CAMTA1: variants seen among roughly 807,000 people sequenced by gnomAD.
CAMTA1 encodes calmodulin binding transcription activator 1, also known as calmodulin-binding transcription activator 1.
In CAMTA1, 27 loss-of-function variants were observed where a neutral mutation model predicts 170.9. The observed-to-expected ratio is 0.16, with a 90% CI of 0.12 to 0.22. The LOEUF (loss-of-function observed/expected upper bound fraction) is 0.22, where lower values mean the gene tolerates loss of function less well. CAMTA1 is among the 10% of genes least tolerant of loss of function. The pLI is 1.00. For missense variants in CAMTA1, 1,619 were observed against 2,217.2 expected (o/e 0.73, Z 5.42); for synonymous variants, 833 against 891.5 (o/e 0.93, Z 1.17).
intron 11 of CAMTA1, among the ~76,000 whole-genome samples, chr1:7,725,866 A>G (rs1166294500): frequency 2.6e-5 from 4 of 152,202 alleles, no homozygotes; most frequent in African/African-American, 7.2e-5. Flanking sequence ...AGAAGCCGCC[A>G]TCTAGGGCAG....
chr1:7,356,997 A>G (rs753019789), intron 5 of CAMTA1, among the ~76,000 whole-genome samples: 36 of 151,922 alleles, frequency 2.4e-4, no homozygotes, highest in Non-Finnish European at 4.4e-4. Context: ...CCCTCCCATC[A>G]TGGGCTTTTC....
intron 3 of CAMTA1, among the ~76,000 whole-genome samples, chr1:6,830,346 G>GTTT: frequency 9.2e-6 from 1 of 109,094 alleles, no homozygotes; most frequent in African/African-American, 3.5e-5. Context: ...ACCTGGCCTT[G>GTTT]TTTTTTTTTT....
intron 5 of CAMTA1, among the ~76,000 whole-genome samples, chr1:7,355,822 C>G (rs1427321696): frequency 9.8e-6 from 1 of 102,286 alleles, no homozygotes; most frequent in African/African-American, 4.0e-5. Context: ...TCACAGGCCA[C>G]CTTGCTGGTT....
At chr1:7,549,120 A>G (rs1166139900) in intron 6 of CAMTA1, among the ~76,000 whole-genome samples, 3 of 101,766 alleles carry the variant, frequency 2.9e-5, no homozygotes, top group Non-Finnish European at 4.0e-5. Flanking sequence ...TCCCTCTTAG[A>G]GGTGGAGATG....
At position 6,934,907 on chromosome 1, in the gene CAMTA1, G is replaced by A. The variant is rs866106395; in HGVS notation, c.234+109697G>A. Among the ~76,000 whole-genome samples the A allele has an allele frequency of 1.3e-5, 2 of 152,148 alleles. No individual in the cohort carries two copies. The highest frequency in any genetic ancestry group is 4.8e-5 in the African/African-American group (2 of 41,422). On this transcript the variant is annotated intron_variant, in intron 3 of 22. Transcript: ENST00000303635. The surrounding 1 kb of genome is among the most constrained non-coding windows in gnomAD (Gnocchi z 4.5). ...AATAAAAAGTCCACCAAACTCCTTA[G>A]GCCAGTCGAAAGCACCTAACTCAGA...
chr1:7,291,887 T>C (rs1673187322), intron 5 of CAMTA1, among the ~76,000 whole-genome samples: 2 of 152,214 alleles, frequency 1.3e-5, no homozygotes, highest in African/African-American at 4.8e-5. Flanking sequence ...GAAAACCAGA[T>C]GCCAGCTTCC....
chr1:7,572,039 T>G (rs1008469681), intron 6 of CAMTA1, among the ~76,000 whole-genome samples: 27 of 152,232 alleles, frequency 1.8e-4, no homozygotes, highest in African/African-American at 6.3e-4. Flanking sequence ...TTCTGATTCC[T>G]GTGAGATGGT....
At chr1:7,663,240 G>A (rs954782154) in intron 8 of CAMTA1, 113 bp from the exon 9 acceptor site, 28 of 1,390,510 alleles carry the variant, frequency 2.0e-5, no homozygotes, top group South Asian at 1.3e-4. Context: ...GACCCCAGCC[G>A]CTGTGGGGCA....
chr1:6,808,932 G>T (rs1415549412), intron 1 of CAMTA1, among the ~76,000 whole-genome samples: 1 of 152,098 alleles, frequency 6.6e-6, no homozygotes, highest in Non-Finnish European at 1.5e-5. Context: ...CCATAACTGG[G>T]GATTTAGTGA....
intron 3 of CAMTA1, among the ~76,000 whole-genome samples, chr1:7,022,435 C>T (rs1165266436): frequency 6.6e-6 from 1 of 152,066 alleles, no homozygotes; most frequent in Admixed American, 6.5e-5. Flanking sequence ...AGTGAGGTTT[C>T]CTCTTGGATT....
intron 3 of CAMTA1, among the ~76,000 whole-genome samples, chr1:6,935,635 G>T (rs145057574): frequency 5.0e-4 from 76 of 152,266 alleles, no homozygotes; most frequent in Non-Finnish European, 8.2e-4. Context: ...TGTCTAATCC[G>T]CCCGACATCA....
chr1:7,660,310 G>A (rs535227080), intron 7 of CAMTA1, among the ~76,000 whole-genome samples: 23 of 152,276 alleles, frequency 1.5e-4, no homozygotes, highest in African/African-American at 5.3e-4. Context: ...CAGGTGATCC[G>A]CCCACTTTGG....
At chr1:7,555,064 G>A (rs1009764957) in intron 6 of CAMTA1, among the ~76,000 whole-genome samples, 3 of 152,048 alleles carry the variant, frequency 2.0e-5, no homozygotes, top group Admixed American at 2.0e-4. Flanking sequence ...ATCCCCAAGT[G>A]CCTTTCAGCC....
Position 7,344,216 on chromosome 1 carries a change from C to T in CAMTA1, c.438+94590C>T, listed in dbSNP as rs114856132. Among the ~76,000 whole-genome samples, 910 of 152,328 alleles carry T rather than the reference C, an allele frequency of 6.0e-3. 11 individuals carry two copies. The highest frequency in any genetic ancestry group is 0.021 in the African/African-American group (862 of 41,574). On this transcript the variant is annotated intron_variant, in intron 5 of 22. Transcript: ENST00000303635. ...CCTGAAGGGGCCTGGGCCTCTTTCT[C>T]CCTGTGGAGGCTAAGACCTTTGCAT...
rs1467606336 is a variant in CAMTA1 at position 7,044,328 on chromosome 1, G to T, written c.235-46976G>T. On this transcript the variant is annotated intron_variant, in intron 3 of 22. Coordinates refer to ENST00000303635, the MANE Select transcript of CAMTA1 (RefSeq NM_015215.4). The surrounding 1 kb of genome is among the most constrained non-coding windows in gnomAD (Gnocchi z 5.0). Reference sequence around the variant, plus strand: ...ACCCAGAGAGACGCAGAGCAGTGCCGCTGGGGACCCCGGGGACTCAGAGCA... The same window carrying T: ...ACCCAGAGAGACGCAGAGCAGTGCCTCTGGGGACCCCGGGGACTCAGAGCA... 6.6e-6 allele frequency among the ~76,000 whole-genome samples: 1 copy of T among 151,824 alleles called. No individual in the cohort carries two copies. The highest frequency in any genetic ancestry group is 2.4e-5 in the African/African-American group (1 of 41,332).
At chr1:7,250,602 G>A (rs533168225) in intron 5 of CAMTA1, among the ~76,000 whole-genome samples, 6 of 152,264 alleles carry the variant, frequency 3.9e-5, no homozygotes, top group African/African-American at 1.2e-4. Context: ...ACCCTTCCAC[G>A]CCAATGTTTT....
intron 4 of CAMTA1, among the ~76,000 whole-genome samples, chr1:7,241,680 T>C (rs917592706): frequency 6.6e-6 from 1 of 152,178 alleles, no homozygotes; most frequent in African/African-American, 2.4e-5. Context: ...CAAAAGCAAT[T>C]CAGTGGAGTT....
intron 5 of CAMTA1, among the ~76,000 whole-genome samples, chr1:7,263,061 C>T (rs1044914112): frequency 2.0e-5 from 3 of 152,064 alleles, no homozygotes; most frequent in African/African-American, 7.2e-5. Context: ...TGTTTGGAAA[C>T]GAGATGCGAC....
chr1:7,374,003 C>T (rs1489174817), intron 5 of CAMTA1, among the ~76,000 whole-genome samples: 1 of 152,214 alleles, frequency 6.6e-6, no homozygotes, highest in African/African-American at 2.4e-5. Context: ...TCAGGAAGAG[C>T]AAGAAGGATC....
Sources: gnomAD v4.1 joint callset for allele counts (sites outside exome capture counted in the v4.1 genomes callset) on GRCh38, gnomAD v4.1.1 for gene constraint, Gnocchi (gnomAD v3.1) non-coding constraint, MANE v1.5 for transcripts, NCBI Gene and HGNC (gene_info 2026-07-23, HGNC 2026-07-21) for gene names.